Variants in ALG11 observed in about 807,000 individuals in gnomAD.
ALG11 encodes the protein GDP-Man:Man(3)GlcNAc(2)-PP-Dol alpha-1,2-mannosyltransferase.
In ALG11, 26 loss-of-function variants were observed where a neutral mutation model predicts 38.8. The observed-to-expected ratio is 0.67, with a 90% CI of 0.49 to 0.93. The LOEUF (loss-of-function observed/expected upper bound fraction) is 0.93. Among genes scored for constraint, ALG11 ranks in the 40% least tolerant of loss-of-function variants. The pLI is 0.00. For synonymous variants in ALG11, 199 were observed against 211.6 expected (o/e 0.94, Z 0.52); for missense variants, 535 against 578.8 (o/e 0.92, Z 0.78).
Position 52,018,898 on chromosome 13 carries a change from G to T in ALG11, c.45-15G>T, listed in dbSNP as rs1167048741. 1 of 1,604,622 alleles carries T rather than the reference G, an allele frequency of 6.2e-7. No homozygotes were observed. The highest frequency in any genetic ancestry group is 8.5e-7 in the Non-Finnish European group (1 of 1,171,630). ...ATATATCACATTGATTCTCAACTTT[G>T]TCCTCTTATTTCAGGTTTTTTTATT... On this transcript the variant is annotated splice_polypyrimidine_tract_variant and intron_variant, in intron 1 of 3. Transcript: ENST00000521508.
chr13:52,031,076 A>G lies in ALG11; in HGVS notation c.*2486A>G, dbSNP rs367799665. 6 of 1,613,328 alleles carry G rather than the reference A, an allele frequency of 3.7e-6. No homozygotes were observed. Among genetic ancestry groups the G allele is most frequent in the Non-Finnish European group, 4.2e-6 (5 of 1,179,652 alleles). The stretch of plus-strand genomic sequence containing the variant: ...ACAGAGGAATCCAAAACGAATCACC[A>G]CACGTCACAATAAAGAAGAAAAACT... On this transcript the variant is annotated 3_prime_UTR_variant, in exon 4 of 4. Coordinates refer to ENST00000521508, the MANE Select transcript of ALG11 (RefSeq NM_001004127.3).
Position 52,018,969 on chromosome 13 carries a change from G to A in ALG11, c.101G>A (p.Cys34Tyr), listed in dbSNP as rs774520716. 1.9e-5 allele frequency: 31 copies of A among 1,613,882 alleles called. No homozygotes were observed. The highest frequency in any genetic ancestry group is 2.5e-5 in the Non-Finnish European group (30 of 1,180,004). Residue 34 changes from cysteine to tyrosine, a missense_variant, in exon 2 of 4, where the codon TGT becomes TAT. Cys to Tyr is a radical substitution (Grantham distance 194). Coordinates refer to ENST00000521508, the MANE Select transcript of ALG11 (RefSeq NM_001004127.3). ...GLIVCGTLCVCLVIVLWGIRL... is the reference protein window; with the variant it reads ...GLIVCGTLCVYLVIVLWGIRL... ...ATTGTATGTGGAACTTTATGTGTGTGTTTGGTCATTGTCCTTTGGGGAATC... is the reference window on the plus strand; with the variant it reads ...ATTGTATGTGGAACTTTATGTGTGTATTTGGTCATTGTCCTTTGGGGAATC...
intron 2 of ALG11, chr13:52,021,332 A>G (rs555879230): frequency 6.6e-6 from 1 of 152,380 alleles, no homozygotes; most frequent in Non-Finnish European, 1.5e-5. Context: ...GACAAAGAAG[A>G]AAACTGGGGC....
chr13:52,018,857 G>T, intron 1 of ALG11, 56 bp from the exon 2 acceptor site: 2 of 1,441,730 alleles, frequency 1.4e-6, no homozygotes, highest in Admixed American at 1.7e-5. Flanking sequence ...ACTTTAATTT[G>T]TAATTTTTTT....
At chr13:52,020,973 G>T (rs1954179178) in intron 2 of ALG11, 1 of 152,194 alleles carries the variant, frequency 6.6e-6, no homozygotes, top group African/African-American at 2.4e-5. Context: ...CCTGCTATGT[G>T]TCAGGCACTG....
Position 52,029,783 on chromosome 13 carries a change from G to A in ALG11, c.*1193G>A. On this transcript the variant is annotated 3_prime_UTR_variant, in exon 4 of 4. Coordinates refer to ENST00000521508, the MANE Select transcript of ALG11 (RefSeq NM_001004127.3). ...TCGCCAAGCTATGCAGGAACAGTTG[G>A]CCAAGAACAAAGAACTGACACAGAA... 2 of 1,614,214 alleles carry A rather than the reference G, an allele frequency of 1.2e-6. No homozygotes were observed. Among genetic ancestry groups the A allele is most frequent in the Non-Finnish European group, 1.7e-6 (2 of 1,180,030 alleles).
chr13:52,031,281 C>A lies in ALG11; in HGVS notation c.*2691C>A. 1 of 980,018 alleles carries A rather than the reference C, an allele frequency of 1.0e-6. No homozygotes were observed. The highest frequency in any genetic ancestry group is 1.5e-6 in the Non-Finnish European group (1 of 681,092). 60.7% of individuals were successfully genotyped at this position (980,018 alleles called of 1,614,324 possible). ...AATTGACTAGCATTTTAGAATTGAT[C>A]AGACATTAGAACACAGAAAAATTCT... is the stretch of plus-strand genomic sequence containing the variant. On this transcript the variant is annotated 3_prime_UTR_variant, in exon 4 of 4. Coordinates refer to ENST00000521508, the MANE Select transcript of ALG11 (RefSeq NM_001004127.3).
In ALG11 at chr13:52,018,342, G is replaced by A. The variant is rs73498201; in HGVS notation, c.45-571G>A. ...TGGCAGCTCATTCAGAGGTACATAA[G>A]GGAAGGTAGTAGTATTAGATCATGT... On this transcript the variant is annotated intron_variant, in intron 1 of 3. Coordinates refer to ENST00000521508, the MANE Select transcript of ALG11 (RefSeq NM_001004127.3). Among the ~76,000 whole-genome samples the A allele has an allele frequency of 4.7e-3, 713 of 152,282 alleles. 5 individuals are homozygous for A. The highest frequency in any genetic ancestry group is 0.015 in the African/African-American group (642 of 41,538).
intron 3 of ALG11, among the ~76,000 whole-genome samples, 189 bp downstream of exon 3, chr13:52,025,126 C>T (rs1363080137): frequency 6.6e-6 from 1 of 152,112 alleles, no homozygotes; most frequent in Non-Finnish European, 1.5e-5. Context: ...ATTTATTGAC[C>T]AATTCCTGTG....
chr13:52,030,403 A>G lies in ALG11; in HGVS notation c.*1813A>G, dbSNP rs750113606. ...AGCTTCCCAGACCTGTGTTAGAAGG[A>G]CAGCAGTCAGAGAGGACCCCAAATA... On this transcript the variant is annotated 3_prime_UTR_variant, in exon 4 of 4. Transcript: ENST00000521508. 3.1e-6 allele frequency: 5 copies of G among 1,614,230 alleles called. No homozygotes were observed. Among genetic ancestry groups the G allele is most frequent in the Non-Finnish European group, 4.2e-6 (5 of 1,180,030 alleles).
At chr13:52,018,481 C>T (rs1954153656) in intron 1 of ALG11, among the ~76,000 whole-genome samples, 1 of 152,202 alleles carries the variant, frequency 6.6e-6, no homozygotes, top group African/African-American at 2.4e-5. Context: ...GATTTACTAT[C>T]TTACCAGACT....
rs199774268 is a variant in ALG11 at position 52,029,776 on chromosome 13, A to G, written c.*1186A>G. 1.9e-6 allele frequency: 3 copies of G among 1,614,242 alleles called. No homozygotes were observed. The highest frequency in any genetic ancestry group is 2.5e-6 in the Non-Finnish European group (3 of 1,180,038). Reference sequence around the variant, plus strand: ...TGGAGGCTCGCCAAGCTATGCAGGAACAGTTGGCCAAGAACAAAGAACTGA... The same window carrying G: ...TGGAGGCTCGCCAAGCTATGCAGGAGCAGTTGGCCAAGAACAAAGAACTGA... On this transcript the variant is annotated 3_prime_UTR_variant, in exon 4 of 4. Transcript: ENST00000521508.
At position 52,033,493 on chromosome 13, in the gene ALG11, T is replaced by C. The variant is rs1275285102; in HGVS notation, c.*4903T>C. 6.0e-6 allele frequency: 1 copy of C among 167,110 alleles called. No individual in the cohort carries two copies. Among genetic ancestry groups the C allele is most frequent in the Non-Finnish European group, 1.5e-5 (1 of 68,118 alleles). 10.4% of individuals were successfully genotyped at this position (167,110 alleles called of 1,614,324 possible). On this transcript the variant is annotated 3_prime_UTR_variant, in exon 4 of 4. Transcript: ENST00000521508. The stretch of plus-strand genomic sequence containing the variant: ...TGGATTCTTTCCAGTGTGGTGCCTT[T>C]TATATGCCTCACATAGTCTCCTTGT...
Position 52,028,626 on chromosome 13 carries a change from A to G in ALG11, c.*36A>G. On this transcript the variant is annotated 3_prime_UTR_variant, in exon 4 of 4. Coordinates refer to ENST00000521508, the MANE Select transcript of ALG11 (RefSeq NM_001004127.3). The stretch of plus-strand genomic sequence containing the variant: ...GTAAAATTAAAGATATTTTATATAA[A>G]CTGGTTAAACACCTTCATATGTAAA... The G allele has an allele frequency of 6.3e-7, 1 of 1,588,608 alleles. No individual in the cohort carries two copies. The highest frequency in any genetic ancestry group is 8.6e-7 in the Non-Finnish European group (1 of 1,159,474).
intron 1 of ALG11, among the ~76,000 whole-genome samples, chr13:52,018,141 A>C (rs1954150751): frequency 6.6e-6 from 1 of 152,214 alleles, no homozygotes; most frequent in Non-Finnish European, 1.5e-5. Context: ...TCATATATTC[A>C]TTGGATGCCT....
chr13:52,016,979 G>A (rs1351970032), intron 1 of ALG11: 1 of 152,270 alleles, frequency 6.6e-6, no homozygotes, highest in Admixed American at 6.5e-5. Context: ...CAGGAGGGAG[G>A]CTGTACCCTG....
In ALG11 at chr13:52,019,468, A is replaced by G. The variant is rs539945396; in HGVS notation, c.275+325A>G. Among the ~76,000 whole-genome samples, 62 of 152,120 alleles carry G rather than the reference A, an allele frequency of 4.1e-4. No homozygotes were observed. The South Asian group carries it at 6.2e-3, about 15-fold the overall frequency. ...GATCTGCTGACCTTGTGATCCGCCCACCTCGGCCTTCCAAAGTGTTGGTAT... is the reference window on the plus strand; with the variant it reads ...GATCTGCTGACCTTGTGATCCGCCCGCCTCGGCCTTCCAAAGTGTTGGTAT... On this transcript the variant is annotated intron_variant, in intron 2 of 3. Coordinates refer to ENST00000521508, the MANE Select transcript of ALG11 (RefSeq NM_001004127.3).
At chr13:52,020,550 C>T (rs770325505) in intron 2 of ALG11, 1 of 152,210 alleles carries the variant, frequency 6.6e-6, no homozygotes, top group Non-Finnish European at 1.5e-5. Flanking sequence ...TTCCTACTCT[C>T]GTTGATAATA....
chr13:52,024,426 A>T lies in ALG11; in HGVS notation c.696A>T (p.Val232=), dbSNP rs901155226. ...FITRNPFLSK[V]KLIYYYLFAF... is the part of the protein sequence containing the mutation. Reference sequence around the variant, plus strand: ...CCAGGAATCCTTTTCTCAGCAAAGTAAAGCTCATCTACTACTATTTATTTG... The same window carrying T: ...CCAGGAATCCTTTTCTCAGCAAAGTTAAGCTCATCTACTACTATTTATTTG... Residue 232 remains valine (V), a synonymous_variant, in exon 3 of 4, where the codon GTA becomes GTT. Coordinates refer to ENST00000521508, the MANE Select transcript of ALG11 (RefSeq NM_001004127.3). 4.7e-5 allele frequency: 76 copies of T among 1,613,698 alleles called. No homozygotes were observed. The highest frequency in any genetic ancestry group is 6.2e-5 in the Non-Finnish European group (73 of 1,179,810).
Sources: gnomAD v4.1 joint callset for allele counts (sites outside exome capture counted in the v4.1 genomes callset) on GRCh38, gnomAD v4.1.1 for gene constraint, MANE v1.5 for transcripts, NCBI Gene and HGNC (gene_info 2026-07-23, HGNC 2026-07-21) for gene names.